The following ABI3BP variants were observed in gnomAD, a reference collection of about 807,000 sequenced individuals.
ABI3BP encodes ABI family member 3 binding protein, also known as target of Nesh-SH3.
ABI3BP carries 216 observed loss-of-function variants against 268.6 expected under a neutral mutation model. That is an observed-to-expected ratio of 0.80 (90% confidence interval 0.72 to 0.90). The LOEUF (loss-of-function observed/expected upper bound fraction) is 0.90, where lower values mean the gene tolerates loss of function less well. Among genes scored for constraint, ABI3BP ranks in the 40% least tolerant of loss-of-function variants. ABI3BP has a pLI of 0.00. For synonymous variants in ABI3BP, 730 were observed against 730.0 expected, an observed-to-expected ratio of 1.00 and a Z score of 0.00; for missense variants, 2,090 against 2,182.4, an observed-to-expected ratio of 0.96 and a Z score of 0.84.
At chr3:100,900,511 T>C (rs192674421) in intron 3 of ABI3BP, among the ~76,000 whole-genome samples, 2 of 152,334 alleles carry the variant, frequency 1.3e-5, no homozygotes, top group African/African-American at 4.8e-5. Flanking sequence ...GTCTTGGCTC[T>C]CTATGTATAA....
intron 65 of ABI3BP, among the ~76,000 whole-genome samples, chr3:100,753,304 C>CTT (rs553200547): frequency 2.8e-5 from 4 of 144,532 alleles, no homozygotes; most frequent in African/African-American, 1.0e-4. Context: ...GTGTTAATAT[C>CTT]TTTTTTTTTT....
chr3:100,880,044 A>G (rs972699296), intron 6 of ABI3BP, among the ~76,000 whole-genome samples: 7 of 152,224 alleles, frequency 4.6e-5, no homozygotes, highest in Non-Finnish European at 7.3e-5. Flanking sequence ...ACCAATTACA[A>G]TCCAATCTTA....
intron 1 of ABI3BP, among the ~76,000 whole-genome samples, chr3:100,977,787 C>T (rs62275200): frequency 0.1 from 15,688 of 152,144 alleles, 1,093 homozygotes; most frequent in Non-Finnish European, 0.15. Flanking sequence ...TAATTGAGGG[C>T]CACCTTGGAT....
Position 100,826,296 on chromosome 3 carries a change from C to A in ABI3BP, c.2603-452G>T, listed in dbSNP as rs114867863. Among the ~76,000 whole-genome samples the A allele has an allele frequency of 6.7e-4, 102 of 152,246 alleles. 1 individual carries two copies. The highest frequency in any genetic ancestry group is 2.3e-3 in the African/African-American group (96 of 41,546). ...GAGAAATAGACTTCTGTTATTTAAG[C>A]CACCTAATTTATACTGCTTTGTAAT... On this transcript the variant is annotated intron_variant, in intron 34 of 67. Coordinates refer to ENST00000471714, the MANE Select transcript of ABI3BP (RefSeq NM_001375547.2).
rs927502663 is a variant in ABI3BP, at chr3:100,888,003, C to A, written c.462-1680G>T. Among the ~76,000 whole-genome samples the A allele has an allele frequency of 2.0e-5, 3 of 152,080 alleles. No homozygotes were observed. In the East Asian group the frequency reaches 5.8e-4, roughly 29 times the overall value. Reference sequence around the variant, plus strand: ...GGGGGTCTGGTGCACAGGTAGTATGCCCATGAAGTCAGCAGGGGGTTTGTA... The same window carrying A: ...GGGGGTCTGGTGCACAGGTAGTATGACCATGAAGTCAGCAGGGGGTTTGTA... On this transcript the variant is annotated intron_variant, in intron 4 of 67. Transcript: ENST00000471714.
intron 59 of ABI3BP, among the ~76,000 whole-genome samples, chr3:100,775,675 TTATTGG>T (rs1426679923): frequency 1.3e-5 from 2 of 151,798 alleles, no homozygotes; most frequent in African/African-American, 4.8e-5. Context: ...AGAGGAGAAG[TTATTGG>T]TAGGTAGAGA....
chr3:100,983,005 G>C (rs2255942), intron 1 of ABI3BP, among the ~76,000 whole-genome samples: 20,405 of 152,246 alleles, frequency 0.13, 1,764 homozygotes, highest in Middle Eastern at 0.19. Context: ...AGAGAAGCAA[G>C]GCCTGTTAGG....
intron 64 of ABI3BP, among the ~76,000 whole-genome samples, chr3:100,754,197 TA>T (rs1387501598): frequency 1.3e-5 from 2 of 152,242 alleles, no homozygotes; most frequent in African/African-American, 2.4e-5. Flanking sequence ...ACAGTTGGTA[TA>T]AAAATTATGC....
At chr3:100,763,770 C>T (rs770103486) in intron 63 of ABI3BP, among the ~76,000 whole-genome samples, 2 of 152,240 alleles carry the variant, frequency 1.3e-5, no homozygotes, top group Non-Finnish European at 2.9e-5. Context: ...TCTCTACCTA[C>T]TTCACCAGGC....
In ABI3BP at chr3:100,965,250, A is replaced by C. The variant is rs377655886; in HGVS notation, c.79+28056T>G. 3.4e-4 allele frequency among the ~76,000 whole-genome samples: 52 copies of C among 152,314 alleles called. 1 individual carries two copies. The East Asian group carries it at 6.0e-3, about 18-fold the overall frequency. ...ATGACCCTAACTCATCTCAAATGCC[A>C]TCTTTTTCAAGTCCCATTTGCCTCA... On this transcript the variant is annotated intron_variant, in intron 1 of 67. Transcript: ENST00000471714.
chr3:100,847,733 T>C, intron 18 of ABI3BP, 60 bp from the exon 19 acceptor site: 6 of 1,358,748 alleles, frequency 4.4e-6, no homozygotes, highest in Non-Finnish European at 6.3e-6. Context: ...AGACACCCTC[T>C]AAAGAGGAAC....
intron 54 of ABI3BP, 122 bp from the exon 55 acceptor site, chr3:100,792,890 A>G: frequency 1.3e-6 from 1 of 763,320 alleles, no homozygotes. Flanking sequence ...TTAGAAATAC[A>G]CTCAGTAATC....
chr3:100,753,048 TC>T (rs1482212525), intron 65 of ABI3BP, 100 bp from the exon 66 acceptor site: 54 of 1,138,892 alleles, frequency 4.7e-5, no homozygotes, highest in East Asian at 2.3e-4. Flanking sequence ...TACCTTTTTT[TC>T]CCCCCATGCT....
At chr3:100,990,480 T>TA (rs1175489573) in intron 1 of ABI3BP, among the ~76,000 whole-genome samples, 3 of 151,496 alleles carry the variant, frequency 2.0e-5, no homozygotes, top group Non-Finnish European at 4.4e-5. Flanking sequence ...TCTAATAACT[T>TA]ACTTTTTATA....
At chr3:100,851,837 C>CCAAGTTTGT (rs1166841302) in intron 15 of ABI3BP, 38 bp downstream of exon 15, 9 of 1,525,406 alleles carry the variant, frequency 5.9e-6, no homozygotes, top group Non-Finnish European at 7.1e-6. Flanking sequence ...TGTTGGAACA[C>CCAAGTTTGT]CTGGGATCCA....
At chr3:100,851,166 C>T (rs966270045) in intron 15 of ABI3BP, among the ~76,000 whole-genome samples, 2 of 152,192 alleles carry the variant, frequency 1.3e-5, no homozygotes, top group East Asian at 1.9e-4. Context: ...ACCAGTCTTA[C>T]TCCCTTTGAA....
At chr3:100,927,947 CTTT>C (rs200729558) in intron 1 of ABI3BP, among the ~76,000 whole-genome samples, 1 of 138,834 alleles carries the variant, frequency 7.2e-6, no homozygotes. Flanking sequence ...TTTTTTGTGT[CTTT>C]TTTTTTTTTT....
Position 100,823,589 on chromosome 3 carries a change from T to G in ABI3BP, c.2747-75A>C. On this transcript the variant is annotated intron_variant, in intron 36 of 67. Coordinates refer to ENST00000471714, the MANE Select transcript of ABI3BP (RefSeq NM_001375547.2). ...TTAGAACACTCACATGCAAACAAAT[T>G]TTACTGGTATGTCAATTCTTCCAGA... 5 of 1,103,978 alleles carry G rather than the reference T, an allele frequency of 4.5e-6. No homozygotes were observed. In the South Asian group the frequency reaches 5.9e-5, roughly 13 times the overall value. The allele number at this position is 1,103,978 out of a possible 1,614,324, so 68.4% of individuals were successfully genotyped here.
intron 50 of ABI3BP, among the ~76,000 whole-genome samples, chr3:100,807,220 A>C (rs1422296996): frequency 6.6e-6 from 1 of 151,960 alleles, no homozygotes; most frequent in East Asian, 1.9e-4. Context: ...AACAAATTTA[A>C]TATACTTGGT....
Sources: gnomAD v4.1 joint callset for allele counts (sites outside exome capture counted in the v4.1 genomes callset) on GRCh38, gnomAD v4.1.1 for gene constraint, MANE v1.5 for transcripts, NCBI Gene and HGNC (gene_info 2026-07-23, HGNC 2026-07-21) for gene names.